VPS35L: variants seen among roughly 807,000 people sequenced by gnomAD.
VPS35L encodes VPS35 endosomal protein-sorting factor-like.
In VPS35L, 83 loss-of-function variants were observed where a neutral mutation model predicts 133.0. That is an observed-to-expected ratio of 0.62 (90% CI 0.52 to 0.75). The LOEUF is 0.75. VPS35L is among the 30% of genes least tolerant of loss of function. VPS35L has a pLI of 0.00. For missense variants in VPS35L, 1,083 were observed against 1,206.8 expected, an observed-to-expected ratio of 0.90 and a Z score of 1.52; for synonymous variants, 423 against 449.9, an observed-to-expected ratio of 0.94 and a Z score of 0.76.
At chr16:19,638,478 C>T (rs531418520) in intron 20 of VPS35L, among the ~76,000 whole-genome samples, 1 of 152,290 alleles carries the variant, frequency 6.6e-6, no homozygotes, top group South Asian at 2.1e-4. Flanking sequence ...ATGTTTTATC[C>T]TATACATACA....
Position 19,568,008 on chromosome 16 carries a change from C to T in VPS35L, c.118-1416C>T, listed in dbSNP as rs563181414. On this transcript the variant is annotated intron_variant, in intron 2 of 30. Transcript: ENST00000417362. ...AAAAGACATCTTCACTTCAGAAACTCCAACTTCGCTACACATTGGGAGTTC... is the reference window on the plus strand; with the variant it reads ...AAAAGACATCTTCACTTCAGAAACTTCAACTTCGCTACACATTGGGAGTTC... 3.1e-3 allele frequency among the ~76,000 whole-genome samples: 469 copies of T among 151,912 alleles called. 4 individuals carry two copies. The highest frequency in any genetic ancestry group is 4.5e-3 in the Non-Finnish European group (309 of 67,960).
intron 3 of VPS35L, among the ~76,000 whole-genome samples, chr16:19,570,338 C>G (rs142039460): frequency 1.2e-4 from 19 of 152,314 alleles, no homozygotes; most frequent in African/African-American, 4.6e-4. Flanking sequence ...ACTGGGATTA[C>G]AGGCGTGAGC....
intron 28 of VPS35L, among the ~76,000 whole-genome samples, chr16:19,685,241 C>T (rs1027353480): frequency 6.6e-6 from 1 of 152,220 alleles, no homozygotes; most frequent in Non-Finnish European, 1.5e-5. Flanking sequence ...TCTCTCCTGA[C>T]TTCTAGCATT....
intron 26 of VPS35L, among the ~76,000 whole-genome samples, chr16:19,667,968 G>A (rs948856527): frequency 5.3e-5 from 8 of 151,288 alleles, no homozygotes; most frequent in Admixed American, 2.6e-4. Flanking sequence ...GAGCTAACTT[G>A]ACTCAGAAAG....
chr16:19,625,145 G>T (rs1293587496), intron 14 of VPS35L, among the ~76,000 whole-genome samples: 1 of 152,168 alleles, frequency 6.6e-6, no homozygotes, highest in Non-Finnish European at 1.5e-5. Flanking sequence ...GAGAAGAAAT[G>T]TATTGAAGAA....
intron 26 of VPS35L, among the ~76,000 whole-genome samples, chr16:19,664,990 C>G (rs569946926): frequency 9.2e-5 from 14 of 151,858 alleles, no homozygotes; most frequent in Non-Finnish European, 1.5e-4. Context: ...GCTGCTTTTC[C>G]CCTTCCTCTA....
intron 27 of VPS35L, among the ~76,000 whole-genome samples, chr16:19,672,040 G>A (rs1268379896): frequency 6.6e-6 from 1 of 152,128 alleles, no homozygotes; most frequent in South Asian, 2.1e-4. Context: ...TGAGCTCCTG[G>A]GCTAAAGTGA....
chr16:19,678,295 G>A (rs1975133231), intron 27 of VPS35L, among the ~76,000 whole-genome samples: 1 of 152,110 alleles, frequency 6.6e-6, no homozygotes, highest in African/African-American at 2.4e-5. Flanking sequence ...CCTGCCAGGT[G>A]CTACCTGGGA....
intron 27 of VPS35L, among the ~76,000 whole-genome samples, chr16:19,678,707 A>G (rs1300688738): frequency 2.0e-5 from 3 of 151,756 alleles, no homozygotes; most frequent in Non-Finnish European, 4.4e-5. Flanking sequence ...CAAACTCCTG[A>G]CCTCAAGCAG....
At chr16:19,675,057 T>C (rs1309022496) in intron 27 of VPS35L, among the ~76,000 whole-genome samples, 1 of 151,856 alleles carries the variant, frequency 6.6e-6, no homozygotes, top group Non-Finnish European at 1.5e-5. Context: ...GGCTCAAATA[T>C]TGTCCCAACT....
At chr16:19,598,480 G>T (rs1177516859) in intron 8 of VPS35L, among the ~76,000 whole-genome samples, 1 of 152,142 alleles carries the variant, frequency 6.6e-6, no homozygotes, top group Non-Finnish European at 1.5e-5. Context: ...GTAGTTAAAA[G>T]ATCCTTAAAA....
At chr16:19,585,080 G>A (rs12924699) in intron 7 of VPS35L, among the ~76,000 whole-genome samples, 19,570 of 152,096 alleles carry the variant, frequency 0.13, 1,555 homozygotes, top group East Asian at 0.34. Context: ...TGGGTAGTTC[G>A]TTCCTTTTTA....
At chr16:19,571,354 C>T (rs1201022047) in intron 3 of VPS35L, among the ~76,000 whole-genome samples, 1 of 151,908 alleles carries the variant, frequency 6.6e-6, no homozygotes, top group Middle Eastern at 3.4e-3. Context: ...GCAGCTGGGA[C>T]TTCAGGTGTG....
chr16:19,641,230 A>C (rs778551311), intron 21 of VPS35L, among the ~76,000 whole-genome samples: 5 of 151,238 alleles, frequency 3.3e-5, no homozygotes, highest in Non-Finnish European at 7.4e-5. Flanking sequence ...ACGTCCGGCT[A>C]ATTTTTTTGT....
chr16:19,581,605 T>C lies in VPS35L; in HGVS notation c.591T>C (p.Asp197=), dbSNP rs140704028. ...RIEELNQSLK[D]AWASDQKVKA... is the part of the protein sequence containing the mutation. The stretch of plus-strand genomic sequence containing the variant: ...AGGAGCTCAACCAATCGCTGAAGGA[T>C]GCCTGGGCCTCAGACCAGAAAGTGA... Residue 197 remains aspartate, a synonymous_variant, in exon 7 of 31, where the codon GAT becomes GAC. Transcript: ENST00000417362. 15 of 1,614,164 alleles carry C rather than the reference T, an allele frequency of 9.3e-6. No individual in the cohort carries two copies. The East Asian group carries it at 3.3e-4, about 36-fold the overall frequency.
intron 29 of VPS35L, chr16:19,694,096 C>A (rs1000868810): frequency 2.0e-5 from 3 of 151,910 alleles, no homozygotes; most frequent in Non-Finnish European, 4.4e-5. Flanking sequence ...TTGAAATGTT[C>A]TGTACACATA....
intron 12 of VPS35L, among the ~76,000 whole-genome samples, chr16:19,614,016 G>C (rs8056025): frequency 0.067 from 10,190 of 152,114 alleles, 613 homozygotes; most frequent in African/African-American, 0.15. Context: ...GAAAACAAAA[G>C]CTCTGAGTGG....
At chr16:19,693,248 A>G (rs997555654) in intron 29 of VPS35L, among the ~76,000 whole-genome samples, 4 of 152,070 alleles carry the variant, frequency 2.6e-5, no homozygotes, top group African/African-American at 9.7e-5. Flanking sequence ...AGAATGATTG[A>G]TACCAGAGGC....
intron 18 of VPS35L, among the ~76,000 whole-genome samples, chr16:19,632,081 C>T (rs993483009): frequency 2.6e-5 from 4 of 152,290 alleles, no homozygotes; most frequent in Admixed American, 2.0e-4. Flanking sequence ...CCTGCCTCAG[C>T]CTCCTAAGTA....
Sources: gnomAD v4.1 joint callset for allele counts (sites outside exome capture counted in the v4.1 genomes callset) on GRCh38, gnomAD v4.1.1 for gene constraint, MANE v1.5 for transcripts, NCBI Gene and HGNC (gene_info 2026-07-23, HGNC 2026-07-21) for gene names.